TNIK: variants seen among roughly 807,000 people sequenced by gnomAD.
TNIK encodes the protein TRAF2 and NCK interacting kinase, also known as TRAF2 and NCK-interacting protein kinase.
TNIK carries 49 observed loss-of-function variants against 191.3 expected under a neutral mutation model. The ratio of observed to expected loss-of-function variants is 0.26; its 90% confidence interval spans 0.20 to 0.32. TNIK has a LOEUF of 0.32. Among genes scored for constraint, TNIK ranks in the 10% least tolerant of loss-of-function variants. The probability of loss-of-function intolerance (pLI) is 1.00; values close to 1 mark genes in which losing one functional copy is unlikely to be tolerated. For synonymous variants in TNIK, 594 were observed against 600.9 expected, an observed-to-expected ratio of 0.99 and a Z score of 0.17; for missense variants, 1,155 against 1,702.3, an observed-to-expected ratio of 0.68 and a Z score of 5.66.
intron 18 of TNIK, among the ~76,000 whole-genome samples, chr3:171,121,946 T>C (rs778082123): frequency 3.3e-5 from 5 of 152,014 alleles, no homozygotes; most frequent in African/African-American, 4.8e-5. Flanking sequence ...ACTCACTTCC[T>C]CCCTTCCTCT....
At chr3:171,248,217 G>C (rs918453441) in intron 2 of TNIK, among the ~76,000 whole-genome samples, 1 of 152,180 alleles carries the variant, frequency 6.6e-6, no homozygotes, top group Non-Finnish European at 1.5e-5. Flanking sequence ...CATAGAAGAA[G>C]GTCACCTGTG....
intron 23 of TNIK, among the ~76,000 whole-genome samples, chr3:171,092,120 T>C (rs564652650): frequency 2.6e-5 from 4 of 152,158 alleles, no homozygotes; most frequent in Non-Finnish European, 5.9e-5. Flanking sequence ...TGGCTAATTT[T>C]TTTATTTTTA....
chr3:171,139,629 G>A (rs774876987), intron 13 of TNIK, 73 bp from the exon 14 acceptor site: 77 of 1,437,624 alleles, frequency 5.4e-5, no homozygotes, highest in Non-Finnish European at 6.8e-5. Flanking sequence ...TTTCAAAGGC[G>A]ACAAGAGCCG....
intron 28 of TNIK, among the ~76,000 whole-genome samples, chr3:171,074,230 T>C (rs887275497): frequency 6.6e-6 from 1 of 152,148 alleles, no homozygotes; most frequent in Non-Finnish European, 1.5e-5. Flanking sequence ...TGGATGGAGC[T>C]GTAGGCCAAT....
intron 7 of TNIK, 89 bp downstream of exon 7, chr3:171,188,613 T>C (rs1737660001): frequency 1.3e-6 from 2 of 1,483,370 alleles, no homozygotes; most frequent in Admixed American, 2.1e-5. Flanking sequence ...TTGGGTGACA[T>C]AAATCATAAA....
At chr3:171,184,943 C>T (rs35764590) in intron 7 of TNIK, among the ~76,000 whole-genome samples, 9,862 of 152,214 alleles carry the variant, frequency 0.065, 406 homozygotes, top group Middle Eastern at 0.17. Flanking sequence ...TAATAAACAA[C>T]ATTGGCACAG....
rs755345945 is a variant in TNIK, at chr3:171,194,616, C to T, written c.326G>A (p.Gly109Asp). The T allele has an allele frequency of 6.2e-7, 1 of 1,613,722 alleles. No individual in the cohort carries two copies. The highest frequency in any genetic ancestry group is 2.2e-5 in the East Asian group (1 of 44,852). Reference protein sequence around the residue: ...DQLWLVMEFCGAGSVTDLIKN... With the variant: ...DQLWLVMEFCDAGSVTDLIKN... ...GATCAGGTCGGTGACAGAGCCAGCACCACAAAACTCCATCACCAACTGGCA... is the reference window on the plus strand; with the variant it reads ...GATCAGGTCGGTGACAGAGCCAGCATCACAAAACTCCATCACCAACTGGCA... The change falls in exon 5 of 33, where the codon GGT (glycine) becomes GAT (aspartate). Residue 109 changes from glycine to aspartate, a missense_variant. Gly to Asp is a moderately conservative substitution (Grantham distance 94). Around this residue, in one of 3 missense-constraint regions of TNIK, gnomAD observed 225 missense variants for 438.9 expected, o/e 0.51. Transcript: ENST00000436636.
At chr3:171,277,466 G>T (rs1749888097) in intron 2 of TNIK, among the ~76,000 whole-genome samples, 1 of 151,834 alleles carries the variant, frequency 6.6e-6, no homozygotes. Flanking sequence ...TTAGAAATGT[G>T]TTACTTTTAG....
At chr3:171,278,024 T>A (rs1749969798) in intron 2 of TNIK, among the ~76,000 whole-genome samples, 1 of 152,168 alleles carries the variant, frequency 6.6e-6, no homozygotes, top group South Asian at 2.1e-4. Flanking sequence ...CAAGTCCCTG[T>A]CTCAAACAAA....
chr3:171,340,629 A>G (rs1465327939), intron 2 of TNIK, among the ~76,000 whole-genome samples: 1 of 152,172 alleles, frequency 6.6e-6, no homozygotes, highest in Non-Finnish European at 1.5e-5. Context: ...CCACAAGGCT[A>G]CCTATCAGCT....
At chr3:171,447,539 T>C (rs1264823460) in intron 1 of TNIK, among the ~76,000 whole-genome samples, 1 of 152,254 alleles carries the variant, frequency 6.6e-6, no homozygotes, top group Admixed American at 6.5e-5. Context: ...TGAGTCACTA[T>C]TGGCAGTGGC....
chr3:171,190,575 T>G (rs1737930263), intron 6 of TNIK, 122 bp downstream of exon 6: 2 of 710,526 alleles, frequency 2.8e-6, no homozygotes. Flanking sequence ...ACATTTTCCT[T>G]TCCATTTTTA....
intron 9 of TNIK, among the ~76,000 whole-genome samples, chr3:171,173,150 C>T (rs1368654943): frequency 1.1e-4 from 17 of 150,548 alleles, no homozygotes; most frequent in East Asian, 5.9e-4. Context: ...TTTGGGAGGC[C>T]GAGGCGGGCG....
chr3:171,071,175 C>A (rs186612788), intron 29 of TNIK, 48 bp downstream of exon 29: 3 of 1,475,320 alleles, frequency 2.0e-6, no homozygotes, highest in East Asian at 4.8e-5. Context: ...TGGGTAGAAA[C>A]GGAAAATTTT....
At chr3:171,264,024 GTGTGTGTGTGTGTATATA>G (rs1748019548) in intron 2 of TNIK, among the ~76,000 whole-genome samples, 1 of 148,994 alleles carries the variant, frequency 6.7e-6, no homozygotes, top group Non-Finnish European at 1.5e-5. Context: ...ATATATGTAT[GTGTGTGTGTGTGTATATA>G]TATGTGTGTG....
chr3:171,267,437 A>G (rs1748533821), intron 2 of TNIK, among the ~76,000 whole-genome samples: 1 of 152,224 alleles, frequency 6.6e-6, no homozygotes, highest in Non-Finnish European at 1.5e-5. Context: ...GGCAAGACTG[A>G]AAGGAGCCTG....
intron 1 of TNIK, among the ~76,000 whole-genome samples, chr3:171,433,972 G>T (rs1240677847): frequency 3.9e-5 from 4 of 103,622 alleles, no homozygotes; most frequent in Admixed American, 1.5e-4. Flanking sequence ...TTGAGACAGA[G>T]TCTCACTCTG....
At chr3:171,143,590 C>T (rs532699509) in intron 12 of TNIK, among the ~76,000 whole-genome samples, 10 of 152,356 alleles carry the variant, frequency 6.6e-5, no homozygotes, top group African/African-American at 9.6e-5. Context: ...TCAATACTGA[C>T]GGTATGGCTA....
chr3:171,086,888 T>C (rs1223418015), intron 24 of TNIK, among the ~76,000 whole-genome samples: 4 of 152,272 alleles, frequency 2.6e-5, no homozygotes, highest in South Asian at 2.1e-4. Context: ...TAAGAACTTA[T>C]CTATTTATTA....
Sources: gnomAD v4.1 joint callset for allele counts (sites outside exome capture counted in the v4.1 genomes callset) on GRCh38, gnomAD v4.1.1 for gene constraint, gnomAD v4.1.1 regional missense constraint, MANE v1.5 for transcripts, NCBI Gene and HGNC (gene_info 2026-07-23, HGNC 2026-07-21) for gene names.